CDC42BPB: variants seen among roughly 807,000 people sequenced by gnomAD.
CDC42BPB encodes the protein CDC42 binding protein kinase beta, also known as serine/threonine-protein kinase MRCK beta.
In CDC42BPB, 37 loss-of-function variants were observed where a neutral mutation model predicts 214.9. The ratio of observed to expected loss-of-function variants is 0.17; its 90% CI spans 0.13 to 0.23. The LOEUF (loss-of-function observed/expected upper bound fraction) is 0.23. CDC42BPB is among the 10% of genes least tolerant of loss of function. The probability of loss-of-function intolerance (pLI) is 1.00; values close to 1 mark genes in which losing one functional copy is unlikely to be tolerated. For missense variants in CDC42BPB, 1,694 were observed against 2,227.0 expected (o/e 0.76, Z 4.82); for synonymous variants, 931 against 884.0 (o/e 1.05, Z -0.94).
chr14:103,034,854 A>T (rs1307241051), intron 1 of CDC42BPB, among the ~76,000 whole-genome samples: 1 of 151,622 alleles, frequency 6.6e-6, no homozygotes, highest in African/African-American at 2.4e-5. Context: ...AGGGATGTAG[A>T]GGGGACTATG....
intron 6 of CDC42BPB, 176 bp downstream of exon 6, chr14:102,986,311 A>G: frequency 1.8e-6 from 1 of 554,978 alleles, no homozygotes; most frequent in South Asian, 2.2e-5. Flanking sequence ...TTTCCAACTT[A>G]ATTTTTATTT....
intron 2 of CDC42BPB, 45 bp downstream of exon 2, chr14:103,012,052 G>A (rs755376680): frequency 1.6e-6 from 2 of 1,279,898 alleles, no homozygotes; most frequent in Admixed American, 1.7e-5. Flanking sequence ...AGCTGCTGAT[G>A]TTTTGGCAAT....
At chr14:102,950,868 A>C (rs936136344) in intron 24 of CDC42BPB, 2 of 172,636 alleles carry the variant, frequency 1.2e-5, no homozygotes, top group South Asian at 1.9e-4. Flanking sequence ...CGGGAGGCTG[A>C]GGCAGAAGAA....
At chr14:103,053,495 C>T (rs1342717868) in intron 1 of CDC42BPB, among the ~76,000 whole-genome samples, 1 of 152,046 alleles carries the variant, frequency 6.6e-6, no homozygotes, top group Admixed American at 6.6e-5. Context: ...GGCACGGTGG[C>T]TCACACCTGT....
intron 1 of CDC42BPB, among the ~76,000 whole-genome samples, chr14:103,016,501 G>A (rs1178228158): frequency 6.7e-6 from 1 of 150,366 alleles, no homozygotes; most frequent in Non-Finnish European, 1.5e-5. Flanking sequence ...CCAGGTGAGG[G>A]GAGGGAACCA....
chr14:103,043,339 G>A (rs1359807912), intron 1 of CDC42BPB, among the ~76,000 whole-genome samples: 1 of 152,146 alleles, frequency 6.6e-6, no homozygotes, highest in Non-Finnish European at 1.5e-5. Flanking sequence ...CCACACAACG[G>A]AGTACTATTT....
chr14:102,954,353 T>G, intron 22 of CDC42BPB, 78 bp from the exon 23 acceptor site: 5 of 1,447,666 alleles, frequency 3.5e-6, no homozygotes, highest in Non-Finnish European at 4.6e-6. Context: ...GGTGCACTTC[T>G]CTCAAGAATG....
At chr14:103,029,977 C>G (rs1413540469) in intron 1 of CDC42BPB, among the ~76,000 whole-genome samples, 1 of 152,140 alleles carries the variant, frequency 6.6e-6, no homozygotes, top group Non-Finnish European at 1.5e-5. Flanking sequence ...GCAACTCCAG[C>G]CCTCCCAGCA....
intron 5 of CDC42BPB, among the ~76,000 whole-genome samples, chr14:102,995,745 C>T (rs1480359679): frequency 6.6e-5 from 10 of 152,230 alleles, no homozygotes; most frequent in Admixed American, 5.2e-4. Flanking sequence ...CACAGTGGCA[C>T]GGGCTCCAAA....
chr14:103,035,052 A>T (rs1039677087), intron 1 of CDC42BPB, among the ~76,000 whole-genome samples: 1 of 149,646 alleles, frequency 6.7e-6, no homozygotes, highest in Non-Finnish European at 1.5e-5. Context: ...CTAGCAATTA[A>T]TTCTATACTT....
chr14:102,964,532 T>C lies in CDC42BPB; in HGVS notation c.2696A>G (p.Lys899Arg), dbSNP rs774010814. 3 of 1,613,764 alleles carry C rather than the reference T, an allele frequency of 1.9e-6. No homozygotes were observed. Among genetic ancestry groups the C allele is most frequent in the Admixed American group, 3.3e-5 (2 of 60,000 alleles). The change falls in exon 19 of 37, where the codon AAG (lysine) becomes AGG (arginine). Residue 899 changes from lysine (K) to arginine (R), a missense_variant. This residue lies in a region of CDC42BPB where 156 missense variants were observed against 154.5 expected (regional missense o/e 1.01). Transcript: ENST00000361246. ...CAAGGTGAGGTTGGCGTCCTTGACCTTCCTGAGCTCCTCCTGGACAAGCTG... is the reference window on the plus strand; with the variant it reads ...CAAGGTGAGGTTGGCGTCCTTGACCCTCCTGAGCTCCTCCTGGACAAGCTG... The part of the protein sequence containing the change: ...AKQLVQEELR[K>R]VKDANLTLES...
chr14:102,939,802 A>T, intron 33 of CDC42BPB, 28 bp downstream of exon 33: 1 of 1,614,004 alleles, frequency 6.2e-7, no homozygotes. Context: ...AGCGAGGCCC[A>T]GCAGGCCCCG....
At chr14:102,965,848 C>CG (rs1469193698) in intron 18 of CDC42BPB, among the ~76,000 whole-genome samples, 5 of 151,940 alleles carry the variant, frequency 3.3e-5, no homozygotes, top group Non-Finnish European at 7.4e-5. Flanking sequence ...CCCAGCTACT[C>CG]GGGGGGGCTG....
chr14:102,950,750 G>C, intron 24 of CDC42BPB, 148 bp from the exon 25 acceptor site: 1 of 1,291,154 alleles, frequency 7.7e-7, no homozygotes. Flanking sequence ...CAGACCACTT[G>C]AGGTCAGCAG....
intron 1 of CDC42BPB, among the ~76,000 whole-genome samples, chr14:103,030,258 T>C (rs989408755): frequency 2.0e-5 from 3 of 152,216 alleles, no homozygotes; most frequent in African/African-American, 7.2e-5. Context: ...AAGGTGGAAA[T>C]GGTACCTCTT....
At chr14:103,051,352 A>G (rs1045003499) in intron 1 of CDC42BPB, among the ~76,000 whole-genome samples, 24 of 151,982 alleles carry the variant, frequency 1.6e-4, no homozygotes, top group African/African-American at 5.8e-4. Flanking sequence ...AAACGTGGTC[A>G]AGGACTAATA....
chr14:102,946,003 G>A (rs1388893608), intron 28 of CDC42BPB, among the ~76,000 whole-genome samples: 1 of 151,908 alleles, frequency 6.6e-6, no homozygotes, highest in Non-Finnish European at 1.5e-5. Flanking sequence ...TGTACTGTCC[G>A]CACAGGTCAT....
intron 1 of CDC42BPB, among the ~76,000 whole-genome samples, chr14:103,055,408 G>A (rs945521665): frequency 6.6e-6 from 1 of 152,196 alleles, no homozygotes; most frequent in South Asian, 2.1e-4. Context: ...AGGCAACACA[G>A]TGAGACTCGT....
intron 1 of CDC42BPB, among the ~76,000 whole-genome samples, chr14:103,040,067 T>TA (rs1887900472): frequency 1.3e-5 from 2 of 152,286 alleles, no homozygotes; most frequent in South Asian, 2.1e-4. Flanking sequence ...TAAAAATAGA[T>TA]AAAGTGGCCA....
Sources: gnomAD v4.1 joint callset for allele counts (sites outside exome capture counted in the v4.1 genomes callset) on GRCh38, gnomAD v4.1.1 for gene constraint, gnomAD v4.1.1 regional missense constraint, MANE v1.5 for transcripts, NCBI Gene and HGNC (gene_info 2026-07-23, HGNC 2026-07-21) for gene names.